The following KANK1 variants were observed in gnomAD, a reference collection of about 807,000 sequenced individuals.
KANK1 encodes the protein KN motif and ankyrin repeat domains 1.
In KANK1, 109 loss-of-function variants were observed where a neutral mutation model predicts 106.2. That is an observed-to-expected ratio of 1.03 (90% CI 0.88 to 1.20). KANK1 has a LOEUF of 1.20. KANK1 is among the 50% of genes most tolerant of loss of function. KANK1 has a pLI of 0.00. For missense variants in KANK1, 2,399 were observed against 1,710.7 expected, an observed-to-expected ratio of 1.40 and a Z score of -7.10; for synonymous variants, 873 against 652.2, an observed-to-expected ratio of 1.34 and a Z score of -5.16.
Position 601,594 on chromosome 9 carries a change from C to T in KANK1, c.-83-75296C>T, listed in dbSNP as rs1827759871. On this transcript the variant is annotated intron_variant, in intron 1 of 11. Coordinates refer to ENST00000382297, the MANE Select transcript of KANK1 (RefSeq NM_015158.5). Reference sequence around the variant, plus strand: ...ATAACTGGTTACTTGATGTCAGTTTCCCTTATTGCTAGTGCTATTCGTGTG... The same window carrying T: ...ATAACTGGTTACTTGATGTCAGTTTTCCTTATTGCTAGTGCTATTCGTGTG... 2.0e-5 allele frequency among the ~76,000 whole-genome samples: 3 copies of T among 151,774 alleles called. No individual in the cohort carries two copies. In the South Asian group the frequency reaches 6.2e-4, roughly 32 times the overall value.
In KANK1 at chr9:536,442, C is replaced by G. The variant is rs959314807; in HGVS notation, c.-84+31688C>G. Among the ~76,000 whole-genome samples the G allele has an allele frequency of 4.6e-5, 7 of 152,064 alleles. 1 individual carries two copies. The highest frequency in any genetic ancestry group is 2.0e-4 in the Admixed American group (3 of 15,278). The stretch of plus-strand genomic sequence containing the variant: ...GAATAAAATCAAGAAGTCAGCAGGA[C>G]CAGTTCCTTCTGAAGGTTTTGGGGA... On this transcript the variant is annotated intron_variant, in intron 1 of 11. Transcript: ENST00000382297.
intron 1 of KANK1, among the ~76,000 whole-genome samples, chr9:627,392 C>T (rs547919313): frequency 6.9e-6 from 1 of 145,660 alleles, no homozygotes. Context: ...CCCCTCCTAG[C>T]CACAGAGCTT....
At chr9:646,237 A>G (rs569766999) in intron 1 of KANK1, among the ~76,000 whole-genome samples, 10 of 150,970 alleles carry the variant, frequency 6.6e-5, no homozygotes, top group Non-Finnish European at 1.2e-4. Flanking sequence ...CCATGCCTGT[A>G]ATCTCAGCAT....
chr9:535,615 A>C (rs1399058868), intron 1 of KANK1, among the ~76,000 whole-genome samples: 2 of 152,206 alleles, frequency 1.3e-5, no homozygotes, highest in African/African-American at 4.8e-5. Flanking sequence ...CAGACAATAC[A>C]GTACACCTGC....
At chr9:500,310 C>G (rs73369034), upstream of KANK1, among the ~76,000 whole-genome samples, 2,918 of 152,232 alleles carry the variant, frequency 0.019, 90 homozygotes, top group African/African-American at 0.065. Context: ...TGGAGTTATC[C>G]TCTTACTGAA....
intron 1 of KANK1, among the ~76,000 whole-genome samples, chr9:601,903 C>T (rs1009516802): frequency 2.0e-5 from 3 of 151,986 alleles, no homozygotes; most frequent in Admixed American, 1.3e-4. Context: ...AAACCAATAT[C>T]TGAGTACCAG....
chr9:563,190 CTT>C (rs35709800), intron 1 of KANK1, among the ~76,000 whole-genome samples: 139,179 of 149,434 alleles, frequency 0.93, 64,772 homozygotes, highest in East Asian at 0.99. Context: ...TTTTGTCAGA[CTT>C]TTTTTTTTTT....
intron 1 of KANK1, among the ~76,000 whole-genome samples, chr9:627,208 A>G (rs1186310026): frequency 6.6e-6 from 1 of 152,120 alleles, no homozygotes; most frequent in East Asian, 1.9e-4. Context: ...GGACAAGTCC[A>G]TCCAGAAACC....
chr9:720,557 T>C (rs550042734), intron 3 of KANK1, among the ~76,000 whole-genome samples: 1 of 152,360 alleles, frequency 6.6e-6, no homozygotes, highest in South Asian at 2.1e-4. Flanking sequence ...GGTCTCACTA[T>C]GTTGCTCAGG....
chr9:710,046 A>G (rs1186108842), intron 2 of KANK1, among the ~76,000 whole-genome samples: 3 of 152,240 alleles, frequency 2.0e-5, no homozygotes, highest in Non-Finnish European at 4.4e-5. Context: ...TAGACATTTT[A>G]GACTACAAAA....
At chr9:558,366 T>C (rs2134294721) in intron 1 of KANK1, among the ~76,000 whole-genome samples, 1 of 152,370 alleles carries the variant, frequency 6.6e-6, no homozygotes, top group South Asian at 2.1e-4. Flanking sequence ...ACTGAGCCAT[T>C]GCTCCTAGGG....
In KANK1 at chr9:543,825, T is replaced by C. The variant is rs143569374; in HGVS notation, c.-84+39071T>C. On this transcript the variant is annotated intron_variant, in intron 1 of 11. Transcript: ENST00000382297. ...CATTTCTCTAGTTAATTTCTATGCC[T>C]GTTGTTTTGCCCCTTACCGTCTTCA... 4.6e-4 allele frequency among the ~76,000 whole-genome samples: 70 copies of C among 152,252 alleles called. 1 individual carries two copies. The East Asian group carries it at 0.013, about 29-fold the overall frequency.
At chr9:516,090 C>G (rs1712112631) in intron 1 of KANK1, among the ~76,000 whole-genome samples, 1 of 151,466 alleles carries the variant, frequency 6.6e-6, no homozygotes, top group African/African-American at 2.4e-5. Context: ...TGGTGTATTG[C>G]TGATCAGGGG....
Position 491,901 on chromosome 9 carries a change from T to G in KANK1, c.-362+18628T>G, listed in dbSNP as rs1200294550. 3.3e-5 allele frequency among the ~76,000 whole-genome samples: 5 copies of G among 152,214 alleles called. 1 individual carries two copies. Among genetic ancestry groups the G allele is most frequent in the Admixed American group, 3.3e-4 (5 of 15,282 alleles). On this transcript the variant is annotated intron_variant, in intron 3 of 15. Transcript: ENST00000382303. ...AATGGGAGTTTCCCTACACAAGCCC[T>G]CTCTTTGCCTGGTGCCATCCAAGTA...
chr9:691,301 AT>A (rs57321445), intron 2 of KANK1, among the ~76,000 whole-genome samples: 78,447 of 150,074 alleles, frequency 0.52, 20,867 homozygotes, highest in South Asian at 0.71. Context: ...AATGTAGCAG[AT>A]TTTTTTTTTT....
chr9:677,027 A>G lies in KANK1; in HGVS notation c.37+18A>G. On this transcript the variant is annotated intron_variant, in intron 2 of 11. Coordinates refer to ENST00000382297, the MANE Select transcript of KANK1 (RefSeq NM_015158.5). ...TGCCTCAGGTAACCCTGTGCTCTGG[A>G]GTTTGTGTGTTAAATGTATGTCTTT... 1.2e-6 allele frequency: 2 copies of G among 1,611,062 alleles called. No individual in the cohort carries two copies. The highest frequency in any genetic ancestry group is 1.7e-6 in the Non-Finnish European group (2 of 1,177,650).
chr9:644,258 A>C (rs1156944263), intron 1 of KANK1, among the ~76,000 whole-genome samples: 2 of 150,890 alleles, frequency 1.3e-5, no homozygotes, highest in Non-Finnish European at 2.9e-5. Flanking sequence ...ACTTAAACAA[A>C]ACACAGGTTT....
At chr9:534,518 C>T (rs1411376255) in intron 1 of KANK1, among the ~76,000 whole-genome samples, 4 of 152,220 alleles carry the variant, frequency 2.6e-5, no homozygotes, top group Non-Finnish European at 4.4e-5. Context: ...GGCAGACATA[C>T]GTCTTTGAAA....
At chr9:660,773 T>C (rs1843118052) in intron 1 of KANK1, among the ~76,000 whole-genome samples, 1 of 152,142 alleles carries the variant, frequency 6.6e-6, no homozygotes, top group Admixed American at 6.5e-5. Flanking sequence ...AAGGGAGCCT[T>C]TGGTGGTCAA....
Sources: allele counts gnomAD v4.1 joint callset (sites outside exome capture counted in the v4.1 genomes callset), GRCh38; gene constraint gnomAD v4.1.1; transcripts MANE v1.5; gene names NCBI Gene and HGNC (gene_info 2026-07-23, HGNC 2026-07-21).